MAP3K1: variants seen among roughly 807,000 people sequenced by gnomAD.
MAP3K1 encodes the protein mitogen-activated protein kinase kinase kinase 1, also known as MAP/ERK kinase kinase 1.
MAP3K1 carries 36 observed loss-of-function variants against 144.2 expected under a neutral mutation model. The observed-to-expected ratio is 0.25, with a 90% confidence interval of 0.19 to 0.33. The LOEUF (loss-of-function observed/expected upper bound fraction) is 0.33, where lower values mean the gene tolerates loss of function less well. Among genes scored for constraint, MAP3K1 ranks in the 10% least tolerant of loss-of-function variants. MAP3K1 has a pLI of 1.00. For synonymous variants in MAP3K1, 718 were observed against 688.7 expected (o/e 1.04, Z -0.67); for missense variants, 1,650 against 1,881.9 (o/e 0.88, Z 2.28).
At chr5:56,873,415 A>G (rs1004332992) in intron 9 of MAP3K1, among the ~76,000 whole-genome samples, 2 of 152,322 alleles carry the variant, frequency 1.3e-5, no homozygotes, top group Non-Finnish European at 2.9e-5. Flanking sequence ...ATGGCATACA[A>G]TGGGTGCTTA....
intron 6 of MAP3K1, among the ~76,000 whole-genome samples, chr5:56,868,834 A>C (rs1206032935): frequency 6.6e-6 from 1 of 152,210 alleles, no homozygotes; most frequent in Non-Finnish European, 1.5e-5. Flanking sequence ...TCAATAAATG[A>C]ATGGATAAAA....
At chr5:56,880,068 G>A (rs1192991454) in intron 11 of MAP3K1, among the ~76,000 whole-genome samples, 1 of 152,100 alleles carries the variant, frequency 6.6e-6, no homozygotes, top group African/African-American at 2.4e-5. Context: ...TTGTTGCTTA[G>A]AGAAAACATT....
chr5:56,818,107 T>C (rs1197020200), intron 1 of MAP3K1, among the ~76,000 whole-genome samples: 1 of 152,224 alleles, frequency 6.6e-6, no homozygotes, highest in Non-Finnish European at 1.5e-5. Context: ...ACGTAAAGAT[T>C]TCATTTATAG....
At chr5:56,837,872 GT>G (rs1456102550) in intron 1 of MAP3K1, among the ~76,000 whole-genome samples, 1 of 152,158 alleles carries the variant, frequency 6.6e-6, no homozygotes, top group Non-Finnish European at 1.5e-5. Flanking sequence ...TTCACACTGA[GT>G]TTTAGGGGAC....
Position 56,882,400 on chromosome 5 carries a change from C to T in MAP3K1, c.3200C>T (p.Pro1067Leu). Residue 1067 changes from proline (P) to leucine (L), a missense_variant, in exon 14 of 20, where the codon CCA (proline) becomes CTA (leucine). Around this residue, in one of 6 missense-constraint regions of MAP3K1, gnomAD observed 841 missense variants for 886.5 expected, o/e 0.95. Transcript: ENST00000399503. ...IHRPKPSRPT[P>L]GNTSKQGDPS... Reference sequence around the variant, plus strand: ...AGGCCAAAGCCATCTAGACCTACCCCAGGTAATACAAGTAAACAGGGAGAT... The same window carrying T: ...AGGCCAAAGCCATCTAGACCTACCCTAGGTAATACAAGTAAACAGGGAGAT... The T allele has an allele frequency of 3.1e-6, 5 of 1,614,074 alleles. No individual in the cohort carries two copies. The highest frequency in any genetic ancestry group is 4.2e-6 in the Non-Finnish European group (5 of 1,179,962).
chr5:56,865,880 G>A lies in MAP3K1; in HGVS notation c.1204G>A (p.Ala402Thr). The A allele has an allele frequency of 6.2e-7, 1 of 1,613,996 alleles. No homozygotes were observed. Among genetic ancestry groups the A allele is most frequent in the Admixed American group, 1.7e-5 (1 of 60,032 alleles). ...CAGTAGGCGTAGCTCAAGGATCAAA[G>A]CTCCATCTCGTAACACCATCCAGAA... The part of the protein sequence containing the change: ...YHSRRSSRIK[A>T]PSRNTIQKFV... The change falls in exon 6 of 20, where the codon GCT (alanine) becomes ACT (threonine). Residue 402 changes from alanine (A) to threonine (T), a missense_variant. Coordinates refer to ENST00000399503, the MANE Select transcript of MAP3K1 (RefSeq NM_005921.2).
chr5:56,847,967 C>G (rs1439033278), intron 1 of MAP3K1, among the ~76,000 whole-genome samples: 1 of 152,096 alleles, frequency 6.6e-6, no homozygotes, highest in African/African-American at 2.4e-5. Flanking sequence ...TATATTCATA[C>G]ATTTTGAGCA....
chr5:56,847,964 A>G (rs73759235), intron 1 of MAP3K1, among the ~76,000 whole-genome samples: 3,152 of 152,286 alleles, frequency 0.021, 108 homozygotes, highest in African/African-American at 0.073. Flanking sequence ...AAATATATTC[A>G]TACATTTTGA....
intron 1 of MAP3K1, among the ~76,000 whole-genome samples, chr5:56,830,512 G>A (rs1414756146): frequency 1.3e-5 from 2 of 152,076 alleles, no homozygotes; most frequent in Admixed American, 1.3e-4. Flanking sequence ...GGTGTTCCAG[G>A]TTCAGTAAGC....
At chr5:56,816,755 CTT>C in intron 1 of MAP3K1, among the ~76,000 whole-genome samples, 1 of 152,312 alleles carries the variant, frequency 6.6e-6, no homozygotes, top group East Asian at 1.9e-4. Context: ...GGCTTGCAGT[CTT>C]TTAGGAAGTG....
intron 3 of MAP3K1, chr5:56,862,258 G>A (rs1427121282): frequency 6.6e-6 from 1 of 152,190 alleles, no homozygotes; most frequent in Non-Finnish European, 1.5e-5. Context: ...GTTGCAAAGA[G>A]TATTGTTTCG....
rs1298503763 is a variant in MAP3K1, at chr5:56,815,928, C to A, written c.355C>A (p.Arg119Ser). 1 of 1,260,472 alleles carries A rather than the reference C, an allele frequency of 7.9e-7. No individual in the cohort carries two copies. 78.1% of individuals were successfully genotyped at this position (1,260,472 alleles called of 1,614,324 possible). ...GCCGCCGCCCCACGGAGCCGCGAGC[C>A]GCGGCGGCGCCCACCTTACCGAGTC... Reference protein sequence around the residue: ...AVPPPHGAASRGGAHLTESVA... With the variant: ...AVPPPHGAASSGGAHLTESVA... Residue 119 changes from arginine to serine, a missense_variant, in exon 1 of 20, where the codon CGC becomes AGC. By Grantham distance (110) the Arg-to-Ser change is moderately radical (BLOSUM62 -1). Transcript: ENST00000399503.
chr5:56,881,478 T>A (rs1217457098), intron 13 of MAP3K1, 92 bp from the exon 14 acceptor site: 23 of 1,108,112 alleles, frequency 2.1e-5, no homozygotes, highest in Non-Finnish European at 2.3e-5. Flanking sequence ...GTTTTTGAAG[T>A]ATACATGCTG....
intron 15 of MAP3K1, 69 bp downstream of exon 15, chr5:56,883,748 A>G: frequency 1.3e-6 from 2 of 1,493,572 alleles, no homozygotes; most frequent in East Asian, 2.3e-5. Flanking sequence ...AGTAAAAAGA[A>G]TAAAGGATAT....
At chr5:56,816,142 C>A in intron 1 of MAP3K1, 87 bp downstream of exon 1, 1 of 1,135,004 alleles carries the variant, frequency 8.8e-7, no homozygotes. Flanking sequence ...CACGGCGTCC[C>A]GGGGTTCAGC....
rs569627743 is a variant in MAP3K1, at chr5:56,894,454, G to GT, written c.*781dup. 22 of 231,486 alleles carry GT rather than the reference G, an allele frequency of 9.5e-5. No individual in the cohort carries two copies. The highest frequency in any genetic ancestry group is 4.7e-4 in the African/African-American group (21 of 45,090). 14.3% of individuals were successfully genotyped at this position (231,486 alleles called of 1,614,324 possible). On this transcript the variant is annotated 3_prime_UTR_variant, in exon 20 of 20. Transcript: ENST00000399503. The stretch of plus-strand genomic sequence containing the variant: ...GTTTTTAAAATATAGACTTAATTTT[G>GT]TTTTTTTAAATTGGAATACAATAAA...
At chr5:56,828,859 TTTGTA>T (rs1746396685) in intron 1 of MAP3K1, among the ~76,000 whole-genome samples, 1 of 144,148 alleles carries the variant, frequency 6.9e-6, no homozygotes, top group Non-Finnish European at 1.5e-5. Flanking sequence ...TAAAGACCTT[TTTGTA>T]AATAAACATG....
chr5:56,879,907 ACAAC>A (rs1748155342), intron 11 of MAP3K1, among the ~76,000 whole-genome samples: 1 of 152,158 alleles, frequency 6.6e-6, no homozygotes, highest in Admixed American at 6.5e-5. Context: ...TTCTCTCAGT[ACAAC>A]CTTTCTCTTC....
At chr5:56,886,216 C>A (rs1748374571) in intron 17 of MAP3K1, among the ~76,000 whole-genome samples, 153 bp downstream of exon 17, 2 of 152,022 alleles carry the variant, frequency 1.3e-5, no homozygotes, top group African/African-American at 4.8e-5. Context: ...CCAGCCAGGC[C>A]AACATGGTGA....
Sources: gnomAD v4.1 joint callset for allele counts (sites outside exome capture counted in the v4.1 genomes callset) on GRCh38, gnomAD v4.1.1 for gene constraint, gnomAD v4.1.1 regional missense constraint, MANE v1.5 for transcripts, NCBI Gene and HGNC (gene_info 2026-07-23, HGNC 2026-07-21) for gene names.